Variants in U2SURP observed in about 807,000 individuals in gnomAD.
U2SURP encodes the protein U2 snRNP associated SURP domain containing.
U2SURP carries 9 observed loss-of-function variants against 144.9 expected under a neutral mutation model. That is an observed-to-expected ratio of 0.06 (90% CI 0.04 to 0.11). The LOEUF is 0.11. U2SURP is among the 10% of genes least tolerant of loss of function. The pLI, the probability that U2SURP is intolerant of heterozygous loss-of-function variation, is 1.00. For missense variants in U2SURP, 724 were observed against 1,226.7 expected (o/e 0.59, Z 6.12); for synonymous variants, 408 against 396.8 (o/e 1.03, Z -0.33).
chr3:143,057,514 G>C lies in U2SURP; in HGVS notation c.*1064G>C, dbSNP rs1374871719. 6.6e-6 allele frequency: 1 copy of C among 152,096 alleles called. No individual in the cohort carries two copies. Among genetic ancestry groups the C allele is most frequent in the African/African-American group, 2.4e-5 (1 of 41,374 alleles). The allele number at this position is 152,096 out of a possible 1,614,324, so 9.4% of individuals were successfully genotyped here. On this transcript the variant is annotated 3_prime_UTR_variant, in exon 28 of 28. Coordinates refer to ENST00000473835, the MANE Select transcript of U2SURP (RefSeq NM_001080415.2). ...GGTTTGTAAATTCAAGGTGCAAAAA[G>C]TTGATTTAAACCATTTGCAGAGTTG...
At chr3:143,007,365 G>C (rs986883043) in intron 1 of U2SURP, among the ~76,000 whole-genome samples, 1 of 149,148 alleles carries the variant, frequency 6.7e-6, no homozygotes, top group Admixed American at 6.7e-5. Flanking sequence ...TCGAGCAGTC[G>C]TCCCACCTCA....
intron 23 of U2SURP, among the ~76,000 whole-genome samples, chr3:143,040,939 T>G (rs1267795801): frequency 2.0e-5 from 3 of 151,854 alleles, no homozygotes; most frequent in Non-Finnish European, 4.4e-5. Flanking sequence ...CTGTGACACG[T>G]TTTTCATTCA....
intron 25 of U2SURP, 43 bp downstream of exon 25, chr3:143,051,092 AT>A: frequency 7.9e-7 from 1 of 1,267,502 alleles, no homozygotes; most frequent in Non-Finnish European, 1.1e-6. Flanking sequence ...TTTTGAAGTT[AT>A]TTATTTGACT....
In U2SURP at chr3:143,001,612, G is replaced by A. The variant is rs751894109; in HGVS notation, c.-17G>A. The A allele has an allele frequency of 1.2e-6, 2 of 1,613,866 alleles. No homozygotes were observed. Among genetic ancestry groups the A allele is most frequent in the Non-Finnish European group, 8.5e-7 (1 of 1,179,856 alleles). On this transcript the variant is annotated 5_prime_UTR_variant, in exon 1 of 28. Transcript: ENST00000473835. ...GCCCGTGCTGCTGCCGCCGCCGAAG[G>A]AGGGGCAAAGCTCAAGATGGCGGAC...
At position 143,032,635 on chromosome 3, in the gene U2SURP, G is replaced by C. The variant is rs1933572246; in HGVS notation, c.1611-149G>C. On this transcript the variant is annotated intron_variant, in intron 16 of 27. Coordinates refer to ENST00000473835, the MANE Select transcript of U2SURP (RefSeq NM_001080415.2). ...TTCAAAAAATTGTAACAATTTTGGG[G>C]GACACAACACAAATCAGACTGAATG... 2.1e-5 allele frequency: 12 copies of C among 569,750 alleles called. No homozygotes were observed. The East Asian group carries it at 3.8e-4, about 18-fold the overall frequency. The allele number at this position is 569,750 out of a possible 1,614,324, so 35.3% of individuals were successfully genotyped here.
intron 14 of U2SURP, among the ~76,000 whole-genome samples, chr3:143,027,891 A>T (rs1033544709): frequency 5.9e-5 from 9 of 152,186 alleles, no homozygotes; most frequent in African/African-American, 2.2e-4. Context: ...ACATTTCATT[A>T]TGCTTTTCAA....
At chr3:143,048,825 G>A (rs1934682828) in intron 24 of U2SURP, among the ~76,000 whole-genome samples, 1 of 152,062 alleles carries the variant, frequency 6.6e-6, no homozygotes, top group African/African-American at 2.4e-5. Context: ...GTTGCAGTGT[G>A]CCAAGGTTGC....
At chr3:143,008,628 T>C (rs1055098015) in intron 1 of U2SURP, among the ~76,000 whole-genome samples, 1 of 152,272 alleles carries the variant, frequency 6.6e-6, no homozygotes, top group African/African-American at 2.4e-5. Context: ...CTCGAAGTTT[T>C]TGTTTTCTTC....
At chr3:143,050,729 G>A (rs1010793251) in intron 24 of U2SURP, among the ~76,000 whole-genome samples, 3 of 152,110 alleles carry the variant, frequency 2.0e-5, no homozygotes, top group African/African-American at 7.2e-5. Context: ...CACGGTTCAC[G>A]GTTTTTGAGT....
chr3:143,034,786 G>T, intron 18 of U2SURP, 102 bp from the exon 19 acceptor site: 1 of 673,048 alleles, frequency 1.5e-6, no homozygotes, highest in Non-Finnish European at 2.5e-6. Context: ...TTCTTGATTT[G>T]TAAGTATTTT....
chr3:143,021,272 G>T, intron 8 of U2SURP, 78 bp from the exon 9 acceptor site: 1 of 1,454,440 alleles, frequency 6.9e-7, no homozygotes, highest in South Asian at 1.2e-5. Context: ...GTAACAAACT[G>T]GGGGAAACAA....
intron 6 of U2SURP, 76 bp from the exon 7 acceptor site, chr3:143,019,893 A>C (rs946112797): frequency 1.4e-6 from 1 of 738,002 alleles, no homozygotes; most frequent in Admixed American, 4.0e-5. Context: ...GAAATGATGT[A>C]AAAAGGCTCT....
chr3:143,029,497 A>G (rs1933353000), intron 16 of U2SURP, among the ~76,000 whole-genome samples: 1 of 152,204 alleles, frequency 6.6e-6, no homozygotes, highest in Non-Finnish European at 1.5e-5. Context: ...AACTATGGTC[A>G]TATAAGAAGA....
rs746616952 is a variant in U2SURP, at chr3:143,001,670, A to G, written c.42A>G (p.Ser14=). The change falls in exon 1 of 28, where the codon TCA becomes TCG. Residue 14 remains serine (S), a synonymous_variant. Coordinates refer to ENST00000473835, the MANE Select transcript of U2SURP (RefSeq NM_001080415.2). ...KTPGGSQKAS[S]KTRSSDVHSS... is the part of the protein sequence containing the mutation. ...CAGGCGGATCTCAGAAGGCCAGTTC[A>G]AAGGTAATTTCTGACAAAATTTCGT... The G allele has an allele frequency of 2.5e-6, 4 of 1,613,962 alleles. No individual in the cohort carries two copies. Among genetic ancestry groups the G allele is most frequent in the Non-Finnish European group, 3.4e-6 (4 of 1,179,868 alleles).
Position 143,016,891 on chromosome 3 carries a change from A to G in U2SURP, c.486A>G (p.Ser162=). The G allele has an allele frequency of 1.3e-6, 2 of 1,592,156 alleles. No homozygotes were observed. The highest frequency in any genetic ancestry group is 1.1e-5 in the South Asian group (1 of 87,048). The change falls in exon 6 of 28, where the codon TCA becomes TCG. Residue 162 remains serine, a synonymous_variant. Coordinates refer to ENST00000473835, the MANE Select transcript of U2SURP (RefSeq NM_001080415.2). ...GAGGTAAAATCTATAAGCCATCTTC[A>G]AGATTTGCAGATCAAAAAAATCCTC... The part of the protein sequence containing the change: ...EKRGKIYKPS[S]RFADQKNPPN...
intron 20 of U2SURP, among the ~76,000 whole-genome samples, chr3:143,036,496 G>GT (rs986324969): frequency 6.6e-5 from 10 of 151,742 alleles, no homozygotes; most frequent in Admixed American, 3.3e-4. Context: ...CCATTCTGTT[G>GT]TTTTTTTTCT....
At chr3:143,020,989 C>T (rs1433158275) in intron 8 of U2SURP, among the ~76,000 whole-genome samples, 4 of 152,118 alleles carry the variant, frequency 2.6e-5, no homozygotes, top group African/African-American at 7.2e-5. Context: ...GTCAGGAGTT[C>T]GAGACCAGCC....
chr3:143,009,867 A>G (rs538484183), intron 1 of U2SURP, among the ~76,000 whole-genome samples: 4 of 152,320 alleles, frequency 2.6e-5, no homozygotes, highest in East Asian at 3.9e-4. Flanking sequence ...CTTGTACTTT[A>G]TATGACATCT....
chr3:143,033,940 A>G (rs778906713), intron 18 of U2SURP, among the ~76,000 whole-genome samples: 13 of 152,236 alleles, frequency 8.5e-5, no homozygotes, highest in African/African-American at 3.1e-4. Context: ...TTGCATATCT[A>G]GCTATTCATA....
Sources: gnomAD v4.1 joint callset for allele counts (sites outside exome capture counted in the v4.1 genomes callset) on GRCh38, gnomAD v4.1.1 for gene constraint, MANE v1.5 for transcripts, NCBI Gene and HGNC (gene_info 2026-07-23, HGNC 2026-07-21) for gene names.